The following RCAN1 variants were observed in gnomAD, a reference collection of about 807,000 sequenced individuals.
RCAN1 encodes the protein calcipressin-1.
In RCAN1, 11 loss-of-function variants were observed where a neutral mutation model predicts 22.9. The ratio of observed to expected loss-of-function variants is 0.48; its 90% CI spans 0.30 to 0.79. RCAN1 has a LOEUF of 0.79. Ranked by LOEUF, RCAN1 falls within the 30% of genes least tolerant of loss-of-function variation. The pLI is 0.06. For synonymous variants in RCAN1, 136 were observed against 142.3 expected (o/e 0.96, Z 0.32); for missense variants, 291 against 337.8 (o/e 0.86, Z 1.09).
chr21:34,528,962 A>C (rs1228755829), intron 1 of RCAN1, among the ~76,000 whole-genome samples: 1 of 152,314 alleles, frequency 6.6e-6, no homozygotes, highest in African/African-American at 2.4e-5. Flanking sequence ...ATGGAAAAAA[A>C]AAAAAAGAAC....
intron 1 of RCAN1, among the ~76,000 whole-genome samples, chr21:34,555,933 G>T (rs920926568): frequency 2.0e-5 from 3 of 151,176 alleles, no homozygotes; most frequent in African/African-American, 7.3e-5. Context: ...CATGGTGGCG[G>T]GTGCCTGTCG....
At chr21:34,571,291 C>T (rs1165212797) in intron 1 of RCAN1, among the ~76,000 whole-genome samples, 1 of 152,148 alleles carries the variant, frequency 6.6e-6, no homozygotes, top group Non-Finnish European at 1.5e-5. Flanking sequence ...GAAACTCCAT[C>T]TCCAAAAATA....
chr21:34,523,899 C>T (rs1203904040), intron 1 of RCAN1, 189 bp from the exon 2 acceptor site: 7 of 434,744 alleles, frequency 1.6e-5, no homozygotes, highest in Non-Finnish European at 2.9e-5. Context: ...TCTCCTGCCT[C>T]AGCCTCCCGA....
chr21:34,561,941 C>T (rs1986807176), intron 1 of RCAN1, among the ~76,000 whole-genome samples: 1 of 152,194 alleles, frequency 6.6e-6, no homozygotes, highest in Non-Finnish European at 1.5e-5. Context: ...GAGATCCTAT[C>T]CCTTCTCATT....
rs146801435 is a variant in RCAN1 at position 34,567,312 on chromosome 21, T to C, written c.253-43602A>G. ...AGAATCGAGACCATCCAGGCTAACA[T>C]GGTGAAACCCTATCTCTATTAAAAA... On this transcript the variant is annotated intron_variant, in intron 1 of 3. Coordinates refer to ENST00000313806, the MANE Select transcript of RCAN1 (RefSeq NM_004414.7). 7.9e-4 allele frequency among the ~76,000 whole-genome samples: 121 copies of C among 152,218 alleles called. 1 individual carries two copies. The East Asian group carries it at 8.1e-3, about 10-fold the overall frequency.
At chr21:34,563,794 TAGAGAG>T (rs60116779) in intron 1 of RCAN1, among the ~76,000 whole-genome samples, 1,305 of 48,706 alleles carry the variant, frequency 0.027, 13 homozygotes, top group Non-Finnish European at 0.035. Flanking sequence ...TATATATATA[TAGAGAG>T]AGAGAGAGAG....
chr21:34,606,197 A>G (rs1988520915), intron 1 of RCAN1, among the ~76,000 whole-genome samples: 1 of 152,172 alleles, frequency 6.6e-6, no homozygotes, highest in South Asian at 2.1e-4. Context: ...ATTCTGAGAA[A>G]TGGCCAATCA....
intron 1 of RCAN1, among the ~76,000 whole-genome samples, chr21:34,556,562 T>C (rs548975100): frequency 1.3e-5 from 2 of 152,240 alleles, no homozygotes; most frequent in East Asian, 3.9e-4. Context: ...TGAAAATATG[T>C]AATTTAATTT....
At chr21:34,567,224 G>A (rs947280282) in intron 1 of RCAN1, among the ~76,000 whole-genome samples, 9 of 152,192 alleles carry the variant, frequency 5.9e-5, no homozygotes, top group East Asian at 3.9e-4. Flanking sequence ...GGCTGGGCGC[G>A]GTGGCTCACG....
At chr21:34,603,833 T>C (rs1443348608) in intron 1 of RCAN1, among the ~76,000 whole-genome samples, 1 of 152,192 alleles carries the variant, frequency 6.6e-6, no homozygotes, top group African/African-American at 2.4e-5. Flanking sequence ...CTATAATTGA[T>C]TGTAAGTATA....
At chr21:34,587,214 T>G (rs1170296733) in intron 1 of RCAN1, among the ~76,000 whole-genome samples, 1 of 152,094 alleles carries the variant, frequency 6.6e-6, no homozygotes, top group Non-Finnish European at 1.5e-5. Context: ...ATGGACTACT[T>G]CCTAGAAAAA....
chr21:34,523,252 C>T, intron 2 of RCAN1: 1 of 355,802 alleles, frequency 2.8e-6, no homozygotes, highest in South Asian at 3.6e-5. Flanking sequence ...GCCACGCCTA[C>T]CCCGCTGCAC....
At chr21:34,585,760 A>AC (rs1244330504) in intron 1 of RCAN1, among the ~76,000 whole-genome samples, 10 of 150,730 alleles carry the variant, frequency 6.6e-5, no homozygotes, top group South Asian at 2.1e-4. Context: ...AAAAAAAAAA[A>AC]AAAACATAAT....
chr21:34,526,152 A>G lies in RCAN1; in HGVS notation c.253-2442T>C, dbSNP rs558753266. The stretch of plus-strand genomic sequence containing the variant: ...AAGAGAGCTGCTGCCCAGGAGGCAC[A>G]CTGATCTCACACTTAATTTCTCCAG... On this transcript the variant is annotated intron_variant, in intron 1 of 3. Coordinates refer to ENST00000313806, the MANE Select transcript of RCAN1 (RefSeq NM_004414.7). Among the ~76,000 whole-genome samples, 8 of 152,374 alleles carry G rather than the reference A, an allele frequency of 5.3e-5. No individual in the cohort carries two copies. In the East Asian group the frequency reaches 1.5e-3, roughly 29 times the overall value.
intron 1 of RCAN1, among the ~76,000 whole-genome samples, chr21:34,582,771 A>C (rs1987660538): frequency 6.6e-6 from 1 of 152,172 alleles, no homozygotes; most frequent in South Asian, 2.1e-4. Context: ...CCAGAGTGAC[A>C]AGAGGGAAGC....
chr21:34,599,682 A>G (rs1988270979), intron 1 of RCAN1, among the ~76,000 whole-genome samples: 1 of 152,168 alleles, frequency 6.6e-6, no homozygotes, highest in Non-Finnish European at 1.5e-5. Flanking sequence ...ATCCCTAAAG[A>G]AGGGTTGAGA....
At chr21:34,526,014 T>C (rs1465023391) in intron 1 of RCAN1, among the ~76,000 whole-genome samples, 1 of 152,184 alleles carries the variant, frequency 6.6e-6, no homozygotes, top group Non-Finnish European at 1.5e-5. Context: ...TTCATTCCTA[T>C]ACAGTATTAT....
chr21:34,520,520 T>C (rs1394452214), intron 3 of RCAN1, among the ~76,000 whole-genome samples: 1 of 152,180 alleles, frequency 6.6e-6, no homozygotes, highest in Non-Finnish European at 1.5e-5. Context: ...TTCAGAAATG[T>C]AATCTTTTCA....
At chr21:34,521,375 A>C in intron 3 of RCAN1, 124 bp downstream of exon 3, 1 of 1,557,798 alleles carries the variant, frequency 6.4e-7, no homozygotes, top group Non-Finnish European at 8.6e-7. Flanking sequence ...GAATACAGAG[A>C]AGCTCACAAA....
Sources: allele counts gnomAD v4.1 joint callset (sites outside exome capture counted in the v4.1 genomes callset), GRCh38; gene constraint gnomAD v4.1.1; transcripts MANE v1.5; gene names NCBI Gene and HGNC (gene_info 2026-07-23, HGNC 2026-07-21).